The following EML4 variants were observed in gnomAD, a reference collection of about 807,000 sequenced individuals.
The protein encoded by EML4 is EMAP like 4.
Under a neutral mutation model 129.0 loss-of-function variants are expected in EML4, and 72 were observed. That is an observed-to-expected ratio of 0.56 (90% CI 0.46 to 0.68). The LOEUF (loss-of-function observed/expected upper bound fraction) is 0.68. EML4 is among the 30% of genes least tolerant of loss of function. The pLI is 0.00. For synonymous variants in EML4, 532 were observed against 405.0 expected (o/e 1.31, Z -3.77); for missense variants, 1,363 against 1,190.6 (o/e 1.14, Z -2.13).
intron 1 of EML4, among the ~76,000 whole-genome samples, chr2:42,218,816 A>C (rs2104087944): frequency 6.6e-6 from 1 of 152,292 alleles, no homozygotes; most frequent in East Asian, 1.9e-4. Context: ...CTTCTTTTCA[A>C]AATCAGTGAA....
intron 6 of EML4, among the ~76,000 whole-genome samples, chr2:42,275,559 G>C (rs946361998): frequency 3.9e-5 from 6 of 152,194 alleles, no homozygotes; most frequent in African/African-American, 1.4e-4. Context: ...ATGAACAACA[G>C]CCTTTATGAA....
At chr2:42,214,927 A>G (rs1673092669) in intron 1 of EML4, among the ~76,000 whole-genome samples, 1 of 152,186 alleles carries the variant, frequency 6.6e-6, no homozygotes, top group Non-Finnish European at 1.5e-5. Context: ...TGTTGGTAAA[A>G]AAGCAAGTCA....
chr2:42,269,763 AAGG>A (rs1433703094), intron 6 of EML4, among the ~76,000 whole-genome samples: 1 of 152,218 alleles, frequency 6.6e-6, no homozygotes, highest in Non-Finnish European at 1.5e-5. Context: ...AAGGAATAGC[AAGG>A]AGGTCATTCA....
chr2:42,175,027 G>C (rs752387159), intron 1 of EML4, among the ~76,000 whole-genome samples: 17 of 152,084 alleles, frequency 1.1e-4, no homozygotes, highest in Non-Finnish European at 2.1e-4. Context: ...ATCTTGGCCA[G>C]GCTGGTCTTG....
chr2:42,246,864 G>A (rs1210522790), intron 2 of EML4, among the ~76,000 whole-genome samples: 2 of 152,114 alleles, frequency 1.3e-5, no homozygotes, highest in South Asian at 4.1e-4. Flanking sequence ...CATTGGATTC[G>A]GCATTTACAG....
chr2:42,217,728 T>C (rs1020470007), intron 1 of EML4, among the ~76,000 whole-genome samples: 2 of 152,230 alleles, frequency 1.3e-5, no homozygotes, highest in African/African-American at 4.8e-5. Flanking sequence ...ACTACATTGC[T>C]TGATTGCTGA....
intron 13 of EML4, among the ~76,000 whole-genome samples, chr2:42,300,410 A>G (rs1470328247): frequency 6.6e-6 from 1 of 152,224 alleles, no homozygotes; most frequent in Non-Finnish European, 1.5e-5. Flanking sequence ...TTAAAAAACC[A>G]CATGTGTTTG....
chr2:42,300,474 T>C (rs886076673), intron 13 of EML4, among the ~76,000 whole-genome samples: 2 of 152,216 alleles, frequency 1.3e-5, no homozygotes, highest in Admixed American at 6.5e-5. Context: ...CTTAACAAAG[T>C]GTGCTATGGG....
Position 42,174,368 on chromosome 2 carries a change from G to A in EML4, c.25+4732G>A, listed in dbSNP as rs1670450822. ...TACAATGGCACGATCTCAGCTCACT[G>A]CAACCTCTGCCTCCTGGGTTCAAGC... On this transcript the variant is annotated intron_variant, in intron 1 of 22. Transcript: ENST00000318522. Among the ~76,000 whole-genome samples, 6 of 152,058 alleles carry A rather than the reference G, an allele frequency of 3.9e-5. No individual in the cohort carries two copies. The South Asian group carries it at 1.0e-3, about 26-fold the overall frequency.
intron 17 of EML4, among the ~76,000 whole-genome samples, chr2:42,311,593 C>A (rs1429128924): frequency 6.6e-6 from 1 of 152,092 alleles, no homozygotes. Flanking sequence ...CATAAAGTTT[C>A]CATAAACTCA....
chr2:42,183,989 G>C (rs1041115380), intron 1 of EML4, among the ~76,000 whole-genome samples: 1 of 151,994 alleles, frequency 6.6e-6, no homozygotes, highest in Non-Finnish European at 1.5e-5. Context: ...CTTTCTTTCC[G>C]GACTTTAACA....
At chr2:42,199,013 C>G (rs1312871906) in intron 1 of EML4, among the ~76,000 whole-genome samples, 2 of 152,114 alleles carry the variant, frequency 1.3e-5, no homozygotes, top group Admixed American at 1.3e-4. Flanking sequence ...AGTTATGTAT[C>G]TTGGGGGTTT....
chr2:42,202,221 C>T (rs1397998964), intron 1 of EML4, among the ~76,000 whole-genome samples: 1 of 152,104 alleles, frequency 6.6e-6, no homozygotes, highest in African/African-American at 2.4e-5. Context: ...TGATCTATTG[C>T]ACAGTATGAT....
In EML4 at chr2:42,330,246, T is replaced by C. The variant is rs761188997; in HGVS notation, c.*39T>C. ...GTGCAACTCTTTTCCTTCAGCTGCA[T>C]GTGATTTTGTGATAAAGTTCAGGTA... is the stretch of plus-strand genomic sequence containing the variant. On this transcript the variant is annotated 3_prime_UTR_variant, in exon 23 of 23. Transcript: ENST00000318522. 22 of 1,558,226 alleles carry C rather than the reference T, an allele frequency of 1.4e-5. No homozygotes were observed. The East Asian group carries it at 2.9e-4, about 21-fold the overall frequency.
chr2:42,228,609 A>G (rs1354938684), intron 1 of EML4, among the ~76,000 whole-genome samples: 1 of 152,216 alleles, frequency 6.6e-6, no homozygotes, highest in East Asian at 1.9e-4. Flanking sequence ...CTGCTTTAAA[A>G]AATTTCTCAT....
intron 1 of EML4, among the ~76,000 whole-genome samples, chr2:42,196,962 T>C (rs763319589): frequency 1.8e-4 from 28 of 152,320 alleles, no homozygotes; most frequent in Non-Finnish European, 3.5e-4. Context: ...ATTTCACTTA[T>C]GTTCAGTGTT....
chr2:42,251,750 TA>T (rs1157166614), intron 2 of EML4, among the ~76,000 whole-genome samples: 2 of 152,260 alleles, frequency 1.3e-5, no homozygotes, highest in African/African-American at 4.8e-5. Flanking sequence ...TCAACTAGAC[TA>T]TCTCTACCCT....
At chr2:42,173,159 C>G (rs555750954) in intron 1 of EML4, among the ~76,000 whole-genome samples, 57 of 152,214 alleles carry the variant, frequency 3.7e-4, no homozygotes, top group Non-Finnish European at 7.5e-4. Flanking sequence ...GTCTTTTTAA[C>G]ATCACATTGT....
intron 1 of EML4, among the ~76,000 whole-genome samples, chr2:42,196,411 A>T (rs1266483652): frequency 6.6e-6 from 1 of 152,198 alleles, no homozygotes; most frequent in African/African-American, 2.4e-5. Flanking sequence ...CTAAGAGATA[A>T]ATAATGGACA....
Sources: allele counts gnomAD v4.1 joint callset (sites outside exome capture counted in the v4.1 genomes callset), GRCh38; gene constraint gnomAD v4.1.1; transcripts MANE v1.5; gene names NCBI Gene and HGNC (gene_info 2026-07-23, HGNC 2026-07-21).